Variants in CEMIP2 observed in about 807,000 individuals in gnomAD.
CEMIP2 encodes cell surface hyaluronidase CEMIP2.
Under a neutral mutation model 146.9 loss-of-function variants are expected in CEMIP2, and 79 were observed. That is an observed-to-expected ratio of 0.54 (90% confidence interval 0.45 to 0.65). CEMIP2 has a LOEUF of 0.65. Among genes scored for constraint, CEMIP2 ranks in the 30% least tolerant of loss-of-function variants. The pLI, the probability that CEMIP2 is intolerant of heterozygous loss-of-function variation, is 0.00. For missense variants in CEMIP2, 1,596 were observed against 1,696.2 expected, an observed-to-expected ratio of 0.94 and a Z score of 1.04; for synonymous variants, 601 against 606.3, an observed-to-expected ratio of 0.99 and a Z score of 0.13.
chr9:71,713,984 G>A (rs1226664312), intron 15 of CEMIP2, among the ~76,000 whole-genome samples: 2 of 151,630 alleles, frequency 1.3e-5, no homozygotes, highest in Non-Finnish European at 2.9e-5. Flanking sequence ...GTAGCACATA[G>A]CAGTGCTCGA....
intron 1 of CEMIP2, among the ~76,000 whole-genome samples, chr9:71,763,081 C>A (rs891933557): frequency 2.0e-5 from 3 of 151,504 alleles, no homozygotes; most frequent in African/African-American, 7.3e-5. Flanking sequence ...AAAAGAAAAC[C>A]TCAAGAACTC....
chr9:71,711,503 A>G lies in CEMIP2; in HGVS notation c.2769+580T>C, dbSNP rs536510086. Among the ~76,000 whole-genome samples the G allele has an allele frequency of 3.3e-5, 5 of 151,956 alleles. 1 individual carries two copies. The highest frequency in any genetic ancestry group is 7.4e-5 in the Non-Finnish European group (5 of 67,972). On this transcript the variant is annotated intron_variant, in intron 16 of 23. Coordinates refer to ENST00000377044, the MANE Select transcript of CEMIP2 (RefSeq NM_013390.3). ...GAGGATGGCTTGAGCCATCCATCCA[A>G]TTGAGGTTGAAGCTGCAGTGAGCCA...
chr9:71,694,724 T>C lies in CEMIP2; in HGVS notation c.3598-117A>G, dbSNP rs761388487. On this transcript the variant is annotated intron_variant, in intron 20 of 23. Transcript: ENST00000377044. ...GGTTGTATTTCTTATTCTGAACTTT[T>C]TGTACATATTTCATGACCTAGAATT... 20 of 654,338 alleles carry C rather than the reference T, an allele frequency of 3.1e-5. 1 individual carries two copies. The highest frequency in any genetic ancestry group is 5.4e-5 in the Non-Finnish European group (20 of 370,476). The allele number at this position is 654,338 out of a possible 1,614,324, so 40.5% of individuals were successfully genotyped here. A position where few individuals can be genotyped will look rare whatever the true frequency, so the allele number is the denominator to read the frequency against.
chr9:71,719,842 C>CAAAAAAAAAAAAAAAA (rs34555277), intron 12 of CEMIP2, among the ~76,000 whole-genome samples: 11 of 93,196 alleles, frequency 1.2e-4, no homozygotes, highest in Admixed American at 2.6e-4. Flanking sequence ...TAAACGAAAG[C>CAAAAAAAAAAAAAAAA]AAAAAAAAAA....
intron 11 of CEMIP2, among the ~76,000 whole-genome samples, chr9:71,723,781 G>A (rs529578746): frequency 2.0e-5 from 3 of 152,238 alleles, no homozygotes; most frequent in South Asian, 4.1e-4. Context: ...GTGTGTGTGC[G>A]CACACATGTG....
intron 4 of CEMIP2, among the ~76,000 whole-genome samples, chr9:71,743,698 G>A (rs1292571560): frequency 6.6e-6 from 1 of 152,074 alleles, no homozygotes; most frequent in African/African-American, 2.4e-5. Context: ...GATTAACCAT[G>A]GGCTCTGAGA....
rs79404740 is a variant in CEMIP2, at chr9:71,724,655, G to A, written c.2178+926C>T. Among the ~76,000 whole-genome samples, 1,085 of 152,242 alleles carry A rather than the reference G, an allele frequency of 7.1e-3. 14 individuals carry two copies. The highest frequency in any genetic ancestry group is 0.025 in the African/African-American group (1,023 of 41,530). ...AAACCAAATGTATTTATCACCAGGG[G>A]GCGAAGGGTTAGAGCCAAATTTCAT... On this transcript the variant is annotated intron_variant, in intron 11 of 23. Transcript: ENST00000377044.
At position 71,700,902 on chromosome 9, in the gene CEMIP2, T is replaced by C. The variant is rs1261315511; in HGVS notation, c.3195-78A>G. 14 of 1,265,972 alleles carry C rather than the reference T, an allele frequency of 1.1e-5. 1 individual carries two copies. Among genetic ancestry groups the C allele is most frequent in the African/African-American group, 3.0e-5 (2 of 66,010 alleles). The allele number at this position is 1,265,972 out of a possible 1,614,324, so 78.4% of individuals were successfully genotyped here. On this transcript the variant is annotated intron_variant, in intron 18 of 23. Coordinates refer to ENST00000377044, the MANE Select transcript of CEMIP2 (RefSeq NM_013390.3). ...AAGTACTATAGCGTATGCAGATAAC[T>C]GTCCTTCATGTGCCACTTCTTCCAC... is the stretch of plus-strand genomic sequence containing the variant.
chr9:71,713,213 G>T (rs899693022), intron 15 of CEMIP2, among the ~76,000 whole-genome samples: 2 of 152,092 alleles, frequency 1.3e-5, no homozygotes, highest in East Asian at 3.9e-4. Flanking sequence ...TGACTGAATC[G>T]GGGGCGGGTC....
chr9:71,702,661 T>G (rs190192926), intron 18 of CEMIP2, among the ~76,000 whole-genome samples: 29 of 152,338 alleles, frequency 1.9e-4, no homozygotes, highest in Non-Finnish European at 3.4e-4. Context: ...AATGGCATTA[T>G]GACAAAATCT....
chr9:71,710,439 T>A (rs777356891), intron 16 of CEMIP2, among the ~76,000 whole-genome samples: 2 of 152,208 alleles, frequency 1.3e-5, no homozygotes, highest in Non-Finnish European at 2.9e-5. Flanking sequence ...TCCACACTTC[T>A]CTTTTCCTAC....
intron 10 of CEMIP2, among the ~76,000 whole-genome samples, chr9:71,728,855 G>A (rs1188982909): frequency 2.7e-5 from 4 of 149,432 alleles, no homozygotes; most frequent in African/African-American, 1.0e-4. Flanking sequence ...TTATTGACAC[G>A]GGGTCTCACT....
chr9:71,703,699 C>T (rs2131887839), intron 18 of CEMIP2, among the ~76,000 whole-genome samples: 1 of 152,160 alleles, frequency 6.6e-6, no homozygotes, highest in African/African-American at 2.4e-5. Context: ...TAGTCCCATC[C>T]CACCTTCCTT....
At chr9:71,706,088 G>A (rs1822726535) in intron 17 of CEMIP2, among the ~76,000 whole-genome samples, 2 of 151,994 alleles carry the variant, frequency 1.3e-5, no homozygotes, top group South Asian at 4.1e-4. Flanking sequence ...AATTAGCCAG[G>A]TGTGGTGGCG....
Position 71,750,037 on chromosome 9 carries a change from A to C in CEMIP2, c.331+6T>G, listed in dbSNP as rs1824198768. On this transcript the variant is annotated splice_donor_region_variant and intron_variant, in intron 2 of 23. Coordinates refer to ENST00000377044, the MANE Select transcript of CEMIP2 (RefSeq NM_013390.3). ...ATATGTTCTATGTGCATATACACACACTTACCATCTGGAGCATATTTTGAG... is the reference window on the plus strand; with the variant it reads ...ATATGTTCTATGTGCATATACACACCCTTACCATCTGGAGCATATTTTGAG... 6.3e-7 allele frequency: 1 copy of C among 1,589,104 alleles called. No individual in the cohort carries two copies.
intron 10 of CEMIP2, among the ~76,000 whole-genome samples, chr9:71,728,247 A>C (rs1221140648): frequency 6.4e-5 from 3 of 47,132 alleles, no homozygotes; most frequent in African/African-American, 1.9e-4. Flanking sequence ...ATATATATAT[A>C]TATGTATATA....
intron 20 of CEMIP2, among the ~76,000 whole-genome samples, chr9:71,697,575 A>G (rs2131871685): frequency 6.6e-6 from 1 of 152,330 alleles, no homozygotes; most frequent in African/African-American, 2.4e-5. Flanking sequence ...AAAGGAAACA[A>G]TTTTCATATT....
chr9:71,687,894 TCAC>T (rs1427775374), intron 22 of CEMIP2, among the ~76,000 whole-genome samples: 1 of 152,236 alleles, frequency 6.6e-6, no homozygotes, highest in East Asian at 1.9e-4. Flanking sequence ...CCTTGCTCTG[TCAC>T]CCCAGCTGGA....
At chr9:71,697,883 A>G (rs1473406303) in intron 20 of CEMIP2, 102 bp downstream of exon 20, 3 of 1,208,412 alleles carry the variant, frequency 2.5e-6, no homozygotes, top group South Asian at 1.5e-5. Flanking sequence ...TGCAATGTCC[A>G]TAAATGGGCA....
Sources: gnomAD v4.1 joint callset for allele counts (sites outside exome capture counted in the v4.1 genomes callset) on GRCh38, gnomAD v4.1.1 for gene constraint, MANE v1.5 for transcripts, NCBI Gene and HGNC (gene_info 2026-07-23, HGNC 2026-07-21) for gene names.